FNIP2: variants seen among roughly 807,000 people sequenced by gnomAD.
The protein encoded by FNIP2 is folliculin-interacting protein 2.
Under a neutral mutation model 108.7 loss-of-function variants are expected in FNIP2, and 32 were observed. That is an observed-to-expected ratio of 0.29 (90% CI 0.22 to 0.40). The LOEUF (loss-of-function observed/expected upper bound fraction) is 0.40. Ranked by LOEUF, FNIP2 falls within the 10% of genes least tolerant of loss-of-function variation. FNIP2 has a pLI of 1.00. For synonymous variants in FNIP2, 480 were observed against 496.7 expected (o/e 0.97, Z 0.45); for missense variants, 1,202 against 1,381.6 (o/e 0.87, Z 2.06).
chr4:158,859,294 T>C, intron 9 of FNIP2, 36 bp downstream of exon 9: 1 of 1,555,898 alleles, frequency 6.4e-7, no homozygotes, highest in East Asian at 2.3e-5. Flanking sequence ...AATAGAGAAG[T>C]GATTGTGGGG....
At position 158,861,760 on chromosome 4, in the gene FNIP2, T is replaced by C; in HGVS notation, c.1449T>C (p.Pro483=). 6.2e-7 allele frequency: 1 copy of C among 1,613,950 alleles called. No homozygotes were observed. Residue 483 remains proline (P), a synonymous_variant, in exon 12 of 17, where the codon CCT becomes CCC. Transcript: ENST00000264433. ...TGGCCAAAACACATCCGTATAATCCTCTTTGGGCACAGCTGGGTTAGTACC... is the reference window on the plus strand; with the variant it reads ...TGGCCAAAACACATCCGTATAATCCCCTTTGGGCACAGCTGGGTTAGTACC... ...NMLAKTHPYN[P]LWAQLGDLYG...
Position 158,825,911 on chromosome 4 carries a change from C to A in FNIP2, c.108-5C>A. ...ATAACTTCTTTTGCCCTTTTTAATC[C>A]ACAGTTGGTCATGTTCGGAGTTTGA... On this transcript the variant is annotated splice_polypyrimidine_tract_variant and splice_region_variant and intron_variant, in intron 1 of 16. Coordinates refer to ENST00000264433, the MANE Select transcript of FNIP2 (RefSeq NM_020840.3). 6.2e-7 allele frequency: 1 copy of A among 1,604,094 alleles called. No homozygotes were observed. Among genetic ancestry groups the A allele is most frequent in the South Asian group, 1.1e-5 (1 of 90,830 alleles).
chr4:158,852,346 C>T (rs977205165), intron 8 of FNIP2, among the ~76,000 whole-genome samples: 3 of 152,144 alleles, frequency 2.0e-5, no homozygotes, highest in South Asian at 4.1e-4. Flanking sequence ...TGGCTTGCCT[C>T]GCTTCTGTTC....
chr4:158,836,652 A>G (rs1778819332), intron 7 of FNIP2: 1 of 151,434 alleles, frequency 6.6e-6, no homozygotes, highest in Non-Finnish European at 1.5e-5. Context: ...TACAAAAAAA[A>G]AAAAAAGAAA....
chr4:158,838,248 T>TC (rs59802312), intron 7 of FNIP2, among the ~76,000 whole-genome samples: 3 of 144,202 alleles, frequency 2.1e-5, no homozygotes, highest in African/African-American at 5.5e-5. Flanking sequence ...TTTTTTTTTT[T>TC]CTGGCTCTGT....
chr4:158,818,731 T>A (rs563089505), intron 1 of FNIP2, among the ~76,000 whole-genome samples: 85 of 152,340 alleles, frequency 5.6e-4, no homozygotes, highest in Non-Finnish European at 1.1e-3. Flanking sequence ...TCTGAGTAGA[T>A]CTTTGAATTA....
chr4:158,822,107 T>C (rs1185187335), intron 1 of FNIP2, among the ~76,000 whole-genome samples: 1 of 151,700 alleles, frequency 6.6e-6, no homozygotes, highest in African/African-American at 2.4e-5. Flanking sequence ...GAAATGTCAA[T>C]GTCAAAATTA....
At chr4:158,784,800 C>G (rs745520468) in intron 1 of FNIP2, among the ~76,000 whole-genome samples, 8 of 152,180 alleles carry the variant, frequency 5.3e-5, no homozygotes, top group Non-Finnish European at 1.2e-4. Flanking sequence ...CCTAACAGGC[C>G]ATGGTCTGGT....
chr4:158,781,991 G>A (rs938775387), intron 1 of FNIP2, among the ~76,000 whole-genome samples: 1 of 152,042 alleles, frequency 6.6e-6, no homozygotes. Context: ...CTACTACACA[G>A]TGTTTGACAA....
At chr4:158,852,126 G>A (rs894793616) in intron 8 of FNIP2, among the ~76,000 whole-genome samples, 2 of 152,224 alleles carry the variant, frequency 1.3e-5, no homozygotes, top group African/African-American at 4.8e-5. Flanking sequence ...GAAGGTATAA[G>A]ACAGTTCAGC....
chr4:158,826,069 T>C (rs778522924), intron 2 of FNIP2, 27 bp downstream of exon 2: 4 of 1,593,882 alleles, frequency 2.5e-6, no homozygotes, highest in Non-Finnish European at 3.4e-6. Context: ...TGCTTTCTCC[T>C]TTTCTTTTGT....
chr4:158,796,985 A>G (rs1340629237), intron 1 of FNIP2, among the ~76,000 whole-genome samples: 2 of 152,136 alleles, frequency 1.3e-5, no homozygotes, highest in Non-Finnish European at 2.9e-5. Context: ...TGAGGAACTG[A>G]CTCAGAGAAA....
intron 5 of FNIP2, among the ~76,000 whole-genome samples, chr4:158,832,437 G>C (rs1002483415): frequency 1.3e-5 from 2 of 152,112 alleles, no homozygotes; most frequent in Admixed American, 1.3e-4. Flanking sequence ...AAGGGAAGGG[G>C]CTACATTATT....
In FNIP2 at chr4:158,906,326, A is replaced by G. The variant is rs574252862; in HGVS notation, c.*1782A>G. 2.6e-5 allele frequency: 4 copies of G among 152,306 alleles called. No homozygotes were observed. The highest frequency in any genetic ancestry group is 2.1e-4 in the South Asian group (1 of 4,826). The allele number at this position is 152,306 out of a possible 1,614,324, so 9.4% of individuals were successfully genotyped here. Reference sequence around the variant, plus strand: ...TGTTACAGCTTTTACAGTTTAAAGCATTCCCCTCGTCTCTAGTTCCTTTTT... The same window carrying G: ...TGTTACAGCTTTTACAGTTTAAAGCGTTCCCCTCGTCTCTAGTTCCTTTTT... On this transcript the variant is annotated 3_prime_UTR_variant, in exon 17 of 17. Transcript: ENST00000264433.
rs558981134 is a variant in FNIP2, at chr4:158,881,684, C to T, written c.2950-9762C>T. ...GCCGGGCTGGTCTCCAGCTCCTAAC[C>T]GCGAGTGATCTGCCAGCCTCGGCCT... On this transcript the variant is annotated intron_variant, in intron 14 of 16. Transcript: ENST00000264433. 5.3e-5 allele frequency among the ~76,000 whole-genome samples: 8 copies of T among 152,334 alleles called. No individual in the cohort carries two copies. The South Asian group carries it at 6.2e-4, about 12-fold the overall frequency.
Position 158,891,467 on chromosome 4 carries a change from A to G in FNIP2, c.2971A>G (p.Ile991Val). Reference sequence around the variant, plus strand: ...TCAGCATCCAGTCCTGGATGAGCCAATAGCTGAAGCTGTCTGTATTATCGC... The same window carrying G: ...TCAGCATCCAGTCCTGGATGAGCCAGTAGCTGAAGCTGTCTGTATTATCGC... ...TVHHPVLDEP[I>V]AEAVCIIADT... The change falls in exon 15 of 17, where the codon ATA (isoleucine) becomes GTA (valine). Residue 991 changes from isoleucine (I) to valine (V), a missense_variant. This residue lies in a region of FNIP2 where 142 missense variants were observed against 183.8 expected (regional missense o/e 0.77). Transcript: ENST00000264433. 1 of 1,603,366 alleles carries G rather than the reference A, an allele frequency of 6.2e-7. No homozygotes were observed. Among genetic ancestry groups the G allele is most frequent in the Non-Finnish European group, 8.5e-7 (1 of 1,174,564 alleles).
intron 8 of FNIP2, among the ~76,000 whole-genome samples, chr4:158,855,247 A>T (rs2126662800): frequency 6.6e-6 from 1 of 152,302 alleles, no homozygotes; most frequent in South Asian, 2.1e-4. Flanking sequence ...AACTTCACTT[A>T]CAGCACAAAA....
At chr4:158,838,741 C>T (rs1240727841) in intron 7 of FNIP2, among the ~76,000 whole-genome samples, 1 of 152,098 alleles carries the variant, frequency 6.6e-6, no homozygotes, top group Non-Finnish European at 1.5e-5. Flanking sequence ...TTACTATTAG[C>T]TAAAGTCCAC....
At chr4:158,830,387 C>T (rs1262089598) in intron 3 of FNIP2, among the ~76,000 whole-genome samples, 8 of 151,504 alleles carry the variant, frequency 5.3e-5, no homozygotes, top group East Asian at 3.9e-4. Context: ...CTCAGCCTCC[C>T]GAGCAGCTGG....
Sources: gnomAD v4.1 joint callset for allele counts (sites outside exome capture counted in the v4.1 genomes callset) on GRCh38, gnomAD v4.1.1 for gene constraint, gnomAD v4.1.1 regional missense constraint, MANE v1.5 for transcripts, NCBI Gene and HGNC (gene_info 2026-07-23, HGNC 2026-07-21) for gene names.